PCNT: variants seen among roughly 807,000 people sequenced by gnomAD.
The protein encoded by PCNT is pericentrin.
Under a neutral mutation model 380.4 loss-of-function variants are expected in PCNT, and 319 were observed. The observed-to-expected ratio is 0.84, with a 90% CI of 0.77 to 0.92. PCNT has a LOEUF of 0.92. Ranked by LOEUF, PCNT falls within the 40% of genes least tolerant of loss-of-function variation. PCNT has a pLI of 0.00. For synonymous variants in PCNT, 1,845 were observed against 1,735.2 expected, an observed-to-expected ratio of 1.06 and a Z score of -1.57; for missense variants, 4,400 against 4,255.3, an observed-to-expected ratio of 1.03 and a Z score of -0.95.
At position 46,422,076 on chromosome 21, in the gene PCNT, G is replaced by A. The variant is rs142266651; in HGVS notation, c.7131G>A (p.Pro2377=). The change falls in exon 32 of 47, where the codon CCG becomes CCA. Residue 2377 remains proline (P), a synonymous_variant. Coordinates refer to ENST00000359568, the MANE Select transcript of PCNT (RefSeq NM_006031.6). ...CTTCCATCTCTGGAAGGTTTCAGCC[G>A]CTGCCGGAAGCCATGAAGGAGAAGG... The part of the protein sequence containing the change: ...TPASISGRFQ[P]LPEAMKEKEV... 46 of 1,613,746 alleles carry A rather than the reference G, an allele frequency of 2.9e-5. No homozygotes were observed. Among genetic ancestry groups the A allele is most frequent in the African/African-American group, 1.1e-4 (8 of 74,916 alleles).
chr21:46,390,691 C>T lies in PCNT; in HGVS notation c.3862C>T (p.His1288Tyr). ...ACAGCTGGAAGAAGCACGCCAAATT[C>T]ATTCTCGTTTTGAAAAAGAATTTAG... The part of the protein sequence containing the change: ...SRQLEEARQI[H>Y]SRFEKEFSFK... The change falls in exon 20 of 47, where the codon CAT becomes TAT. Residue 1288 changes from histidine to tyrosine, a missense_variant. Coordinates refer to ENST00000359568, the MANE Select transcript of PCNT (RefSeq NM_006031.6). 4.3e-6 allele frequency: 7 copies of T among 1,614,130 alleles called. No homozygotes were observed. Among genetic ancestry groups the T allele is most frequent in the Non-Finnish European group, 5.9e-6 (7 of 1,180,010 alleles).
Position 46,411,303 on chromosome 21 carries a change from G to T in PCNT, c.5230G>T (p.Glu1744Ter), listed in dbSNP as rs184825524. Residue 1744 changes from glutamate (E) to a stop codon, truncating the protein, a stop_gained, in exon 28 of 47, where the codon GAA (glutamate) becomes TAA (stop). Coordinates refer to ENST00000359568, the MANE Select transcript of PCNT (RefSeq NM_006031.6). LOFTEE classifies it high-confidence loss of function. ...AGCAGAGGAAATTGAACAACTCCAT[G>T]AAGTCATTGAGAAGCTGCAGCACGA... ...EKAEEIEQLHEVIEKLQHELS... is the reference protein window; with the variant it reads ...EKAEEIEQLH The T allele has an allele frequency of 1.2e-6, 2 of 1,614,218 alleles. No individual in the cohort carries two copies. Among genetic ancestry groups the T allele is most frequent in the East Asian group, 2.2e-5 (1 of 44,888 alleles).
chr21:46,419,892 C>T (rs968162164), intron 31 of PCNT, among the ~76,000 whole-genome samples: 1 of 152,236 alleles, frequency 6.6e-6, no homozygotes, highest in Non-Finnish European at 1.5e-5. Context: ...AGGCATGAGC[C>T]ACTGCGCCTG....
chr21:46,374,019 C>T (rs936180892), intron 15 of PCNT, among the ~76,000 whole-genome samples: 11 of 152,182 alleles, frequency 7.2e-5, no homozygotes, highest in African/African-American at 2.4e-4. Flanking sequence ...TGAGCCACTG[C>T]GCCCGGCCGC....
Position 46,422,090 on chromosome 21 carries a change from T to C in PCNT, c.7145T>C (p.Met2382Thr), listed in dbSNP as rs911662985. ...AGGTTTCAGCCGCTGCCGGAAGCCA[T>C]GAAGGAGAAGGAAGTGCGTCCGAAG... ...SGRFQPLPEA[M>T]KEKEVRPKHV... The change falls in exon 32 of 47, where the codon ATG (methionine) becomes ACG (threonine). Residue 2382 changes from methionine to threonine, a missense_variant. Transcript: ENST00000359568. The C allele has an allele frequency of 3.1e-6, 5 of 1,613,746 alleles. No individual in the cohort carries two copies. The highest frequency in any genetic ancestry group is 1.3e-5 in the African/African-American group (1 of 74,908).
chr21:46,430,343 CA>C, intron 36 of PCNT, 111 bp downstream of exon 36: 1 of 1,383,850 alleles, frequency 7.2e-7, no homozygotes, highest in South Asian at 1.2e-5. Context: ...TGGGCAGCCC[CA>C]GGGGCACCGC....
chr21:46,428,918 C>T (rs1233462557), intron 35 of PCNT, among the ~76,000 whole-genome samples: 6 of 145,896 alleles, frequency 4.1e-5, no homozygotes, highest in African/African-American at 1.1e-4. Flanking sequence ...TTAGCTTCTT[C>T]GGGAGTTTTT....
At chr21:46,420,283 C>T (rs1207154693) in intron 31 of PCNT, among the ~76,000 whole-genome samples, 4 of 152,174 alleles carry the variant, frequency 2.6e-5, no homozygotes, top group African/African-American at 9.7e-5. Context: ...CTATATCAGG[C>T]CTCCAAGATT....
At chr21:46,403,324 T>C (rs1179221693) in intron 27 of PCNT, among the ~76,000 whole-genome samples, 4 of 109,730 alleles carry the variant, frequency 3.6e-5, no homozygotes, top group Non-Finnish European at 7.6e-5. Flanking sequence ...CGTGGGAGAA[T>C]TGTGTGTGTG....
rs190599622 is a variant in PCNT at position 46,332,031 on chromosome 21, G to A, written c.268-2366G>A. On this transcript the variant is annotated intron_variant, in intron 2 of 46. Coordinates refer to ENST00000359568, the MANE Select transcript of PCNT (RefSeq NM_006031.6). ...AAAAATTAGCCGGGTCTCATGGCAG[G>A]CGCCTGTAATCCCAGGTACTCGGGA... 2.0e-4 allele frequency among the ~76,000 whole-genome samples: 30 copies of A among 152,272 alleles called. No individual in the cohort carries two copies. In the East Asian group the frequency reaches 4.1e-3, roughly 21 times the overall value.
intron 40 of PCNT, 100 bp from the exon 41 acceptor site, chr21:46,438,064 A>G (rs2053510200): frequency 1.0e-6 from 1 of 964,562 alleles, no homozygotes; most frequent in South Asian, 1.4e-5. Flanking sequence ...CCCCAGACAC[A>G]TTAATTACAA....
intron 24 of PCNT, among the ~76,000 whole-genome samples, chr21:46,399,238 C>CTGGGTCTCCCTGTGCAGCCTG (rs2086317750): frequency 4.7e-5 from 2 of 42,982 alleles, no homozygotes; most frequent in African/African-American, 2.5e-4. Flanking sequence ...TGTTCAGCCT[C>CTGGGTCTCCCTGTGCAGCCTG]TGGGTCTAGG....
intron 33 of PCNT, among the ~76,000 whole-genome samples, chr21:46,426,259 C>T (rs994395446): frequency 1.3e-5 from 2 of 151,960 alleles, no homozygotes; most frequent in African/African-American, 4.8e-5. Flanking sequence ...GTCTTGAACT[C>T]CAGACCTTGT....
chr21:46,381,676 T>C lies in PCNT; in HGVS notation c.3166-18T>C. 6.2e-7 allele frequency: 1 copy of C among 1,609,432 alleles called. No individual in the cohort carries two copies. The highest frequency in any genetic ancestry group is 8.5e-7 in the Non-Finnish European group (1 of 1,175,750). On this transcript the variant is annotated intron_variant, in intron 15 of 46. Coordinates refer to ENST00000359568, the MANE Select transcript of PCNT (RefSeq NM_006031.6). ...TTTCTAGCTTACTGGTATTTTTTAT[T>C]GTTATTGATGTGTACAGGGTGAATT...
At chr21:46,412,808 C>T in intron 28 of PCNT, 29 bp from the exon 29 acceptor site, 1 of 1,607,486 alleles carries the variant, frequency 6.2e-7, no homozygotes, top group Middle Eastern at 1.6e-4. Flanking sequence ...CTCCTGCATG[C>T]TCAGCTTTCC....
chr21:46,414,560 C>T lies in PCNT; in HGVS notation c.6151-1509C>T, dbSNP rs555613563. ...CTCCTCCTCCTCCTGGACATGCAGC[C>T]GCCCACCCTCCTCCTCCTGGACACG... On this transcript the variant is annotated intron_variant, in intron 29 of 46. Transcript: ENST00000359568. 1.7e-3 allele frequency among the ~76,000 whole-genome samples: 246 copies of T among 143,576 alleles called. 2 individuals carry two copies. The highest frequency in any genetic ancestry group is 6.0e-3 in the African/African-American group (228 of 38,140). 94.2% of individuals were successfully genotyped at this position (143,576 alleles called of 152,430 possible). A position where few individuals can be genotyped will look rare whatever the true frequency, so the allele number is the denominator to read the frequency against.
chr21:46,393,471 C>T (rs1230570764), intron 21 of PCNT, among the ~76,000 whole-genome samples: 1 of 152,058 alleles, frequency 6.6e-6, no homozygotes, highest in Non-Finnish European at 1.5e-5. Context: ...CATGGTCGGG[C>T]CCCTCCCTGT....
rs112312144 is a variant in PCNT, at chr21:46,349,962, G to A, written c.1344+142G>A. 1.2e-4 allele frequency: 100 copies of A among 858,062 alleles called. 2 individuals are homozygous for A. The East Asian group carries it at 1.7e-3, about 15-fold the overall frequency. 53.2% of individuals were successfully genotyped at this position (858,062 alleles called of 1,614,324 possible). ...AGACTGGCTGGGAACAGTGGTTCAC[G>A]CCTGTAACTCTATCACTTTGGGAGG... On this transcript the variant is annotated intron_variant, in intron 8 of 46. Coordinates refer to ENST00000359568, the MANE Select transcript of PCNT (RefSeq NM_006031.6).
chr21:46,333,321 A>C (rs2083616154), intron 2 of PCNT, among the ~76,000 whole-genome samples: 1 of 151,890 alleles, frequency 6.6e-6, no homozygotes, highest in South Asian at 2.1e-4. Flanking sequence ...AGTCCCAGCT[A>C]CTCAGGAGGC....
Sources: allele counts gnomAD v4.1 joint callset (sites outside exome capture counted in the v4.1 genomes callset), GRCh38; gene constraint gnomAD v4.1.1; transcripts MANE v1.5; gene names NCBI Gene and HGNC (gene_info 2026-07-23, HGNC 2026-07-21).